CAMTA1: variants seen among roughly 807,000 people sequenced by gnomAD.
CAMTA1 encodes calmodulin binding transcription activator 1.
CAMTA1 carries 27 observed loss-of-function variants against 170.9 expected under a neutral mutation model. That is an observed-to-expected ratio of 0.16 (90% confidence interval 0.12 to 0.22). The LOEUF is 0.22. CAMTA1 is among the 10% of genes least tolerant of loss of function. The probability of loss-of-function intolerance (pLI) is 1.00; values close to 1 mark genes in which losing one functional copy is unlikely to be tolerated. For synonymous variants in CAMTA1, 833 were observed against 891.5 expected (o/e 0.93, Z 1.17); for missense variants, 1,619 against 2,217.2 (o/e 0.73, Z 5.42).
intron 6 of CAMTA1, among the ~76,000 whole-genome samples, chr1:7,494,672 C>T (rs188554438): frequency 7.2e-5 from 11 of 152,118 alleles, no homozygotes; most frequent in East Asian, 1.9e-4. Context: ...GGTGTGGTGG[C>T]GCACACCTGT....
chr1:7,615,849 C>G (rs1321017462), intron 6 of CAMTA1, among the ~76,000 whole-genome samples: 1 of 152,226 alleles, frequency 6.6e-6, no homozygotes, highest in Non-Finnish European at 1.5e-5. Context: ...TTAAGCCAGT[C>G]ACTCACCCTC....
chr1:7,625,413 C>T (rs76090389), intron 6 of CAMTA1, among the ~76,000 whole-genome samples: 3,507 of 152,320 alleles, frequency 0.023, 129 homozygotes, highest in African/African-American at 0.08. Context: ...CTGATTCTGC[C>T]CCCATCGGGC....
At chr1:6,959,670 A>T (rs11120798) in intron 3 of CAMTA1, among the ~76,000 whole-genome samples, 75,576 of 152,090 alleles carry the variant, frequency 0.5, 19,130 homozygotes, top group East Asian at 0.63. Flanking sequence ...TAGGTAGCCA[A>T]GCGTGGCATG....
chr1:7,712,018 A>G (rs2096574305), intron 11 of CAMTA1, among the ~76,000 whole-genome samples: 2 of 152,242 alleles, frequency 1.3e-5, no homozygotes, highest in Admixed American at 1.3e-4. Flanking sequence ...TATGCATATT[A>G]TAAAACATTG....
intron 3 of CAMTA1, among the ~76,000 whole-genome samples, chr1:7,076,244 A>G (rs1639289385): frequency 6.6e-6 from 1 of 152,064 alleles, no homozygotes; most frequent in African/African-American, 2.4e-5. Context: ...TTTCTTTTTC[A>G]CAGGACTGGA....
intron 4 of CAMTA1, among the ~76,000 whole-genome samples, chr1:7,154,459 G>A (rs758188482): frequency 1.1e-4 from 17 of 152,044 alleles, no homozygotes; most frequent in South Asian, 2.1e-4. Flanking sequence ...TTCCAACCCC[G>A]CCATCACTTC....
rs1163376633 is a variant in CAMTA1, at chr1:7,635,042, C to T, written c.511-5358C>T. On this transcript the variant is annotated intron_variant, in intron 6 of 22. Transcript: ENST00000303635. The surrounding 1 kb of genome is among the most constrained non-coding windows in gnomAD (Gnocchi z 4.4). ...TCCTTGGCTTCCTCTACCACCACCA[C>T]AGTCACAGACCATGCCACGGGGCTC... 1.3e-5 allele frequency among the ~76,000 whole-genome samples: 2 copies of T among 152,226 alleles called. No individual in the cohort carries two copies. Among genetic ancestry groups the T allele is most frequent in the Admixed American group, 1.3e-4 (2 of 15,292 alleles).
At chr1:7,012,852 G>A (rs1391779490) in intron 3 of CAMTA1, among the ~76,000 whole-genome samples, 5 of 152,056 alleles carry the variant, frequency 3.3e-5, no homozygotes, top group Admixed American at 6.5e-5. Flanking sequence ...ATGTGCCTGC[G>A]GGCTGGACTT....
intron 5 of CAMTA1, among the ~76,000 whole-genome samples, chr1:7,275,307 G>C (rs1670431836): frequency 6.6e-6 from 1 of 151,978 alleles, no homozygotes; most frequent in African/African-American, 2.4e-5. Flanking sequence ...AAATGTAATT[G>C]ATATTAACAA....
chr1:7,036,332 A>C (rs965638646), intron 3 of CAMTA1, among the ~76,000 whole-genome samples: 5 of 152,228 alleles, frequency 3.3e-5, no homozygotes, highest in African/African-American at 1.2e-4. Flanking sequence ...ATGTGTGAAC[A>C]CATGATGGAT....
chr1:7,211,291 A>G (rs1658707805), intron 4 of CAMTA1, among the ~76,000 whole-genome samples: 1 of 152,250 alleles, frequency 6.6e-6, no homozygotes, highest in African/African-American at 2.4e-5. Context: ...TAAGTGTACC[A>G]TCGAACAAGC....
chr1:7,272,712 A>AAAAAAAAAAG (rs1670017608), intron 5 of CAMTA1, among the ~76,000 whole-genome samples: 17 of 109,892 alleles, frequency 1.5e-4, no homozygotes, highest in Non-Finnish European at 2.4e-4. Context: ...AAAAAAAAAA[A>AAAAAAAAAAG]AAAAGAAAAG....
intron 1 of CAMTA1, among the ~76,000 whole-genome samples, chr1:6,806,467 T>C (rs1434341333): frequency 6.6e-6 from 1 of 152,246 alleles, no homozygotes; most frequent in Non-Finnish European, 1.5e-5. Flanking sequence ...ATTCATTTTA[T>C]GGATTTGCTG....
At chr1:7,341,384 T>C (rs1178932244) in intron 5 of CAMTA1, among the ~76,000 whole-genome samples, 1 of 152,220 alleles carries the variant, frequency 6.6e-6, no homozygotes, top group East Asian at 1.9e-4. Flanking sequence ...CTGAGAAGAA[T>C]GAGACACCCG....
chr1:7,718,100 G>A (rs941833974), intron 11 of CAMTA1, among the ~76,000 whole-genome samples: 11 of 152,096 alleles, frequency 7.2e-5, no homozygotes, highest in African/African-American at 1.2e-4. Flanking sequence ...GGCTCATATC[G>A]TGTTGGGTTT....
intron 5 of CAMTA1, among the ~76,000 whole-genome samples, chr1:7,356,584 A>G (rs768487074): frequency 1.3e-5 from 2 of 152,144 alleles, no homozygotes; most frequent in Admixed American, 6.5e-5. Context: ...CCAGTCTCTG[A>G]ATCCCAGTGA....
intron 6 of CAMTA1, among the ~76,000 whole-genome samples, chr1:7,487,312 G>A (rs947677): frequency 0.62 from 94,074 of 152,048 alleles, 30,219 homozygotes; most frequent in African/African-American, 0.8. Flanking sequence ...TTTACTCAGG[G>A]TCAAGCCCCA....
At chr1:6,789,739 T>C (rs975058435) in intron 1 of CAMTA1, among the ~76,000 whole-genome samples, 1 of 151,962 alleles carries the variant, frequency 6.6e-6, no homozygotes, top group African/African-American at 2.4e-5. Flanking sequence ...TAGGGGGTGA[T>C]GTGACTTTGC....
intron 6 of CAMTA1, among the ~76,000 whole-genome samples, chr1:7,522,855 T>C (rs2094383692): frequency 6.6e-6 from 1 of 152,194 alleles, no homozygotes; most frequent in African/African-American, 2.4e-5. Context: ...CTGTATTCTG[T>C]TCTGTTGATC....
Sources: allele counts gnomAD v4.1 joint callset (sites outside exome capture counted in the v4.1 genomes callset), GRCh38; gene constraint gnomAD v4.1.1; non-coding constraint Gnocchi (gnomAD v3.1); transcripts MANE v1.5; gene names NCBI Gene and HGNC (gene_info 2026-07-23, HGNC 2026-07-21).